Variants in NAALADL2 observed in about 807,000 individuals in gnomAD.
NAALADL2 encodes inactive N-acetylated-alpha-linked acidic dipeptidase-like protein 2.
NAALADL2 carries 76 observed loss-of-function variants against 87.2 expected under a neutral mutation model. The ratio of observed to expected loss-of-function variants is 0.87; its 90% CI spans 0.72 to 1.05. The LOEUF (loss-of-function observed/expected upper bound fraction) is 1.05, where lower values mean the gene tolerates loss of function less well. Ranked by LOEUF, NAALADL2 falls within the 50% of genes least tolerant of loss-of-function variation. The pLI, the probability that NAALADL2 is intolerant of heterozygous loss-of-function variation, is 0.00. For missense variants in NAALADL2, 1,089 were observed against 945.8 expected, an observed-to-expected ratio of 1.15 and a Z score of -1.99; for synonymous variants, 354 against 331.0, an observed-to-expected ratio of 1.07 and a Z score of -0.75.
Position 174,582,256 on chromosome 3 carries a change from G to C in NAALADL2, c.-115+31619G>C, listed in dbSNP as rs771812631. Among the ~76,000 whole-genome samples, 19 of 152,282 alleles carry C rather than the reference G, an allele frequency of 1.2e-4. No individual in the cohort carries two copies. In the East Asian group the frequency reaches 3.7e-3, roughly 29 times the overall value. On this transcript the variant is annotated intron_variant, in intron 2 of 3. Transcript: ENST00000434257. ...ACATAGAATGGACTATAGAATAAAT[G>C]GGGTTGAAGAAGTGGAGACAACTAA...
chr3:175,756,960 A>C (rs548787915), intron 13 of NAALADL2, among the ~76,000 whole-genome samples: 66 of 151,336 alleles, frequency 4.4e-4, no homozygotes, highest in Admixed American at 1.5e-3. Flanking sequence ...ATATGTGTAT[A>C]TATAATATAC....
chr3:174,976,943 A>G (rs546941757), intron 1 of NAALADL2, among the ~76,000 whole-genome samples: 1 of 152,288 alleles, frequency 6.6e-6, no homozygotes, highest in South Asian at 2.1e-4. Context: ...TCTAGTTCCC[A>G]GATGTGAAAA....
intron 1 of NAALADL2, among the ~76,000 whole-genome samples, chr3:174,927,065 C>T (rs1296975022): frequency 6.7e-6 from 1 of 149,944 alleles, no homozygotes; most frequent in South Asian, 2.1e-4. Flanking sequence ...CAATCCTGGT[C>T]TCTGATAAAA....
chr3:174,498,259 G>A (rs1265146290), intron 1 of NAALADL2, among the ~76,000 whole-genome samples: 10 of 151,534 alleles, frequency 6.6e-5, no homozygotes, highest in African/African-American at 1.7e-4. Flanking sequence ...ATTAGTTTTC[G>A]TTTCTGTGAT....
intron 2 of NAALADL2, among the ~76,000 whole-genome samples, chr3:174,723,812 A>C (rs1481251275): frequency 1.3e-5 from 2 of 150,192 alleles, no homozygotes. Context: ...CTTAAACTAT[A>C]CTGGAGGTTT....
intron 1 of NAALADL2, among the ~76,000 whole-genome samples, chr3:174,451,254 G>A (rs1715460916): frequency 6.6e-6 from 1 of 152,184 alleles, no homozygotes; most frequent in South Asian, 2.1e-4. Context: ...GACAATGACA[G>A]TGATATTCCA....
At chr3:175,358,645 T>G (rs1375656503) in intron 5 of NAALADL2, among the ~76,000 whole-genome samples, 1 of 152,172 alleles carries the variant, frequency 6.6e-6, no homozygotes, top group Non-Finnish European at 1.5e-5. Context: ...ATAAACTCAA[T>G]TTTTCTCTGT....
intron 5 of NAALADL2, among the ~76,000 whole-genome samples, chr3:175,348,702 G>C (rs575501939): frequency 6.6e-6 from 1 of 152,058 alleles, no homozygotes; most frequent in Non-Finnish European, 1.5e-5. Flanking sequence ...TTTCTTTAAG[G>C]ATACTAGTGA....
intron 12 of NAALADL2, among the ~76,000 whole-genome samples, chr3:175,754,444 A>G (rs749802685): frequency 6.6e-6 from 1 of 152,338 alleles, no homozygotes; most frequent in East Asian, 1.9e-4. Context: ...CAATTGGAAA[A>G]GAAACAAAGA....
chr3:175,222,767 T>A (rs1312674330), intron 2 of NAALADL2, among the ~76,000 whole-genome samples: 1 of 152,142 alleles, frequency 6.6e-6, no homozygotes, highest in African/African-American at 2.4e-5. Flanking sequence ...GATATTAATT[T>A]ATTAAAAAAT....
intron 1 of NAALADL2, among the ~76,000 whole-genome samples, chr3:174,502,276 A>G (rs1718945199): frequency 6.6e-6 from 1 of 152,216 alleles, no homozygotes; most frequent in African/African-American, 2.4e-5. Context: ...ATGCTTAAAA[A>G]GCATTGCTCT....
At chr3:175,486,920 T>A (rs1334728241) in intron 9 of NAALADL2, among the ~76,000 whole-genome samples, 1 of 152,044 alleles carries the variant, frequency 6.6e-6, no homozygotes, top group Non-Finnish European at 1.5e-5. Flanking sequence ...CCACCTTCTC[T>A]CCCTCCACTC....
At chr3:174,673,172 G>C (rs1165162265) in intron 2 of NAALADL2, among the ~76,000 whole-genome samples, 1 of 152,020 alleles carries the variant, frequency 6.6e-6, no homozygotes, top group Non-Finnish European at 1.5e-5. Flanking sequence ...TTATTCAAAA[G>C]GTATTCACTA....
chr3:175,666,532 A>G (rs1677728260), intron 11 of NAALADL2, among the ~76,000 whole-genome samples: 1 of 152,156 alleles, frequency 6.6e-6, no homozygotes, highest in Admixed American at 6.5e-5. Context: ...TCGTGTGCAT[A>G]TCCAGGCACC....
intron 11 of NAALADL2, among the ~76,000 whole-genome samples, chr3:175,735,748 G>A (rs1415367134): frequency 2.0e-5 from 3 of 152,102 alleles, no homozygotes; most frequent in East Asian, 3.9e-4. Flanking sequence ...ATAACACATG[G>A]GAATTATGGG....
At chr3:175,654,568 C>T (rs984431908) in intron 11 of NAALADL2, among the ~76,000 whole-genome samples, 2 of 152,132 alleles carry the variant, frequency 1.3e-5, no homozygotes, top group Non-Finnish European at 2.9e-5. Flanking sequence ...AATCCTGCAC[C>T]TATATAAAAT....
intron 2 of NAALADL2, among the ~76,000 whole-genome samples, chr3:174,723,712 C>T (rs1265343692): frequency 1.5e-5 from 2 of 134,400 alleles, no homozygotes; most frequent in East Asian, 2.2e-4. Flanking sequence ...GCAGAGACTG[C>T]GCCACTGCAC....
At chr3:175,366,634 T>C (rs1479743057) in intron 5 of NAALADL2, among the ~76,000 whole-genome samples, 1 of 151,920 alleles carries the variant, frequency 6.6e-6, no homozygotes, top group Non-Finnish European at 1.5e-5. Flanking sequence ...TTTTCATGTG[T>C]CTGTTGGCTG....
chr3:174,672,520 T>C (rs943195098), intron 2 of NAALADL2, among the ~76,000 whole-genome samples: 3 of 152,030 alleles, frequency 2.0e-5, no homozygotes, highest in African/African-American at 7.2e-5. Context: ...TAAATTAATG[T>C]AGTATAAGAT....
Sources: allele counts gnomAD v4.1 joint callset (sites outside exome capture counted in the v4.1 genomes callset), GRCh38; gene constraint gnomAD v4.1.1; transcripts MANE v1.5; gene names NCBI Gene and HGNC (gene_info 2026-07-23, HGNC 2026-07-21).